Variants in ARMH3 observed in about 807,000 individuals in gnomAD.
ARMH3 encodes the protein armadillo-like helical domain-containing protein 3.
A neutral mutation model predicts 99.1 loss-of-function variants in ARMH3; 60 were observed. That is an observed-to-expected ratio of 0.61 (90% CI 0.49 to 0.75). The LOEUF (loss-of-function observed/expected upper bound fraction) is 0.75. ARMH3 is among the 30% of genes least tolerant of loss of function. The pLI is 0.00. For synonymous variants in ARMH3, 285 were observed against 292.8 expected (o/e 0.97, Z 0.27); for missense variants, 679 against 843.1 (o/e 0.81, Z 2.41).
intron 5 of ARMH3, among the ~76,000 whole-genome samples, chr10:102,026,190 G>T (rs752615364): frequency 1.3e-5 from 2 of 152,032 alleles, no homozygotes; most frequent in Non-Finnish European, 2.9e-5. Flanking sequence ...AAGATGAAAA[G>T]AAATATTCTA....
chr10:101,971,663 A>G (rs1197056830), intron 20 of ARMH3, among the ~76,000 whole-genome samples: 2 of 152,270 alleles, frequency 1.3e-5, no homozygotes, highest in Non-Finnish European at 2.9e-5. Flanking sequence ...GGTTTTTGAC[A>G]CAAGGGGCTT....
In ARMH3 at chr10:101,847,462, G is replaced by A. The variant is rs1049784909; in HGVS notation, c.*66C>T. On this transcript the variant is annotated 3_prime_UTR_variant, in exon 26 of 26. Transcript: ENST00000370033. Reference sequence around the variant, plus strand: ...CTCGGGGGCAGCCCCCTCTCCCCTCGCTCCCCCTCCAGCCCATGATCCTCA... The same window carrying A: ...CTCGGGGGCAGCCCCCTCTCCCCTCACTCCCCCTCCAGCCCATGATCCTCA... The A allele has an allele frequency of 6.3e-5, 95 of 1,517,348 alleles. No individual in the cohort carries two copies. The African/African-American group carries it at 1.2e-3, about 19-fold the overall frequency. The allele number at this position is 1,517,348 out of a possible 1,614,324, so 94.0% of individuals were successfully genotyped here. A position where few individuals can be genotyped will look rare whatever the true frequency, so the allele number is the denominator to read the frequency against.
At chr10:101,879,355 A>ATTT (rs780370509) in intron 24 of ARMH3, among the ~76,000 whole-genome samples, 1 of 143,348 alleles carries the variant, frequency 7.0e-6, no homozygotes, top group Non-Finnish European at 1.5e-5. Flanking sequence ...TTACATAAGA[A>ATTT]TTTTTTTTTT....
intron 8 of ARMH3, among the ~76,000 whole-genome samples, chr10:102,021,545 G>A (rs1265873413): frequency 6.6e-6 from 1 of 151,340 alleles, no homozygotes; most frequent in Non-Finnish European, 1.5e-5. Context: ...ACCACAACCA[G>A]CTAATTTTTT....
intron 23 of ARMH3, among the ~76,000 whole-genome samples, chr10:101,937,948 T>C (rs1350923241): frequency 6.6e-6 from 1 of 152,164 alleles, no homozygotes; most frequent in Non-Finnish European, 1.5e-5. Flanking sequence ...AGCCTCAACC[T>C]GACCTCCTGG....
Position 101,990,540 on chromosome 10 carries a change from T to C in ARMH3, c.1406+11A>G. On this transcript the variant is annotated intron_variant, in intron 19 of 25. Coordinates refer to ENST00000370033, the MANE Select transcript of ARMH3 (RefSeq NM_024541.3). ...TTTGTACACATTAAATGTGTACATA[T>C]TTGTACTTACATATAGAGATCCATA... The C allele has an allele frequency of 6.5e-7, 1 of 1,538,696 alleles. No individual in the cohort carries two copies. The highest frequency in any genetic ancestry group is 1.1e-5 in the South Asian group (1 of 88,910).
chr10:101,960,680 G>A (rs1845254692), intron 20 of ARMH3, among the ~76,000 whole-genome samples: 1 of 151,942 alleles, frequency 6.6e-6, no homozygotes, highest in Non-Finnish European at 1.5e-5. Flanking sequence ...CATGAGGTCA[G>A]GAGTTCGAGA....
chr10:101,997,173 G>A, intron 15 of ARMH3, among the ~76,000 whole-genome samples: 1 of 152,150 alleles, frequency 6.6e-6, no homozygotes, highest in East Asian at 1.9e-4. Flanking sequence ...GCTGAGGCAA[G>A]AGAATCGCTT....
intron 1 of ARMH3, among the ~76,000 whole-genome samples, chr10:102,040,835 T>C (rs149136577): frequency 6.6e-6 from 1 of 152,140 alleles, no homozygotes; most frequent in Non-Finnish European, 1.5e-5. Flanking sequence ...CTTAGGACCA[T>C]TAAGGCAGGA....
At chr10:102,001,246 A>G (rs2066355625) in intron 15 of ARMH3, among the ~76,000 whole-genome samples, 1 of 152,214 alleles carries the variant, frequency 6.6e-6, no homozygotes, top group African/African-American at 2.4e-5. Context: ...AATTGTGAAC[A>G]CTCACATAAA....
chr10:102,003,582 A>C (rs745825803), intron 14 of ARMH3, among the ~76,000 whole-genome samples: 1 of 152,256 alleles, frequency 6.6e-6, no homozygotes, highest in African/African-American at 2.4e-5. Flanking sequence ...GAGTCTTATA[A>C]TGGCCCAAAA....
chr10:101,901,486 C>G (rs1399020910), intron 23 of ARMH3, among the ~76,000 whole-genome samples: 3 of 152,218 alleles, frequency 2.0e-5, no homozygotes, highest in African/African-American at 7.2e-5. Context: ...ACTGTCAGCT[C>G]TGAGCCTGCA....
At chr10:101,877,684 G>A (rs1380550540) in intron 24 of ARMH3, among the ~76,000 whole-genome samples, 1 of 151,860 alleles carries the variant, frequency 6.6e-6, no homozygotes, top group East Asian at 1.9e-4. Flanking sequence ...TTTTAAAGCT[G>A]ACAATTACTA....
chr10:101,941,705 G>A (rs1844245949), intron 22 of ARMH3, among the ~76,000 whole-genome samples: 1 of 152,220 alleles, frequency 6.6e-6, no homozygotes. Flanking sequence ...ATTTGGTATA[G>A]TTCCAAGTTA....
chr10:102,016,161 G>A (rs550453232), intron 8 of ARMH3, among the ~76,000 whole-genome samples: 1 of 152,192 alleles, frequency 6.6e-6, no homozygotes, highest in Admixed American at 6.5e-5. Flanking sequence ...AAACATTTGG[G>A]ATAGAAGTAC....
chr10:102,008,718 A>AT (rs918786905), intron 13 of ARMH3, among the ~76,000 whole-genome samples: 30 of 147,092 alleles, frequency 2.0e-4, no homozygotes, highest in South Asian at 8.7e-4. Context: ...ACGCCCAGCT[A>AT]TTTTTTTTTT....
At chr10:102,032,587 G>C (rs1352187313) in intron 4 of ARMH3, among the ~76,000 whole-genome samples, 2 of 151,946 alleles carry the variant, frequency 1.3e-5, no homozygotes, top group African/African-American at 4.8e-5. Flanking sequence ...TTTTAGTAGA[G>C]GTGGGTTTCA....
chr10:102,040,459 C>T (rs1375331802), intron 1 of ARMH3, among the ~76,000 whole-genome samples: 1 of 152,152 alleles, frequency 6.6e-6, no homozygotes, highest in African/African-American at 2.4e-5. Flanking sequence ...AAAAGAAAGC[C>T]AGTCAGTGCC....
At chr10:102,020,586 T>C (rs1374315586) in intron 8 of ARMH3, among the ~76,000 whole-genome samples, 3 of 149,992 alleles carry the variant, frequency 2.0e-5, no homozygotes, top group Admixed American at 6.8e-5. Context: ...CTTGGGAGGC[T>C]GAGGCAGGAG....
Sources: gnomAD v4.1 joint callset for allele counts (sites outside exome capture counted in the v4.1 genomes callset) on GRCh38, gnomAD v4.1.1 for gene constraint, MANE v1.5 for transcripts, NCBI Gene and HGNC (gene_info 2026-07-23, HGNC 2026-07-21) for gene names.